PPP1R15B: variants seen among roughly 807,000 people sequenced by gnomAD.
PPP1R15B encodes protein phosphatase 1 regulatory subunit 15B.
A neutral mutation model predicts 53.9 loss-of-function variants in PPP1R15B; 31 were observed. The ratio of observed to expected loss-of-function variants is 0.58; its 90% CI spans 0.43 to 0.78. PPP1R15B has a LOEUF of 0.78. Ranked by LOEUF, PPP1R15B falls within the 30% of genes least tolerant of loss-of-function variation. PPP1R15B has a pLI of 0.00. For synonymous variants in PPP1R15B, 345 were observed against 329.1 expected (o/e 1.05, Z -0.52); for missense variants, 928 against 849.6 (o/e 1.09, Z -1.15).
chr1:204,406,051 T>A lies in PPP1R15B; in HGVS notation c.*41A>T, dbSNP rs1260050277. 6.3e-6 allele frequency: 10 copies of A among 1,598,520 alleles called. No individual in the cohort carries two copies. In the African/African-American group the frequency reaches 1.3e-4, roughly 21 times the overall value. On this transcript the variant is annotated 3_prime_UTR_variant, in exon 2 of 2. Coordinates refer to ENST00000367188, the MANE Select transcript of PPP1R15B (RefSeq NM_032833.5). ...TTGTTTTTAAAAGACACCTCTCAGG[T>A]AAGAGGTAGTGTATGCTAGCTAGGA...
chr1:204,411,155 T>G lies in PPP1R15B; in HGVS notation c.257A>C (p.Gln86Pro). ...GLLQKVLIWS[Q>P]LFGGMFPTRW... ...GGTCGGAAACATTCCACCGAAAAGT[T>G]GGCTCCAAATTAGCACCTTCTGAAG... The change falls in exon 1 of 2, where the codon CAA (glutamine) becomes CCA (proline). Residue 86 changes from glutamine (Q) to proline (P), a missense_variant. Coordinates refer to ENST00000367188, the MANE Select transcript of PPP1R15B (RefSeq NM_032833.5). The G allele has an allele frequency of 6.2e-7, 1 of 1,614,206 alleles. No individual in the cohort carries two copies. Among genetic ancestry groups the G allele is most frequent in the Non-Finnish European group, 8.5e-7 (1 of 1,180,048 alleles).
At chr1:204,401,063 G>C (rs1180492151), downstream of PPP1R15B, among the ~76,000 whole-genome samples, 1 of 152,228 alleles carries the variant, frequency 6.6e-6, no homozygotes, top group Non-Finnish European at 1.5e-5. Flanking sequence ...GCGTCTGCCA[G>C]TGGTGAAACA....
At chr1:204,402,996 C>T (rs377505217), downstream of PPP1R15B, among the ~76,000 whole-genome samples, 33 of 152,144 alleles carry the variant, frequency 2.2e-4, no homozygotes, top group African/African-American at 6.7e-4. Flanking sequence ...CGCTTGAAAC[C>T]GGAAGGTGGA....
In PPP1R15B at chr1:204,411,357, G is replaced by T. The variant is rs761080801; in HGVS notation, c.55C>A (p.Arg19=). The change falls in exon 1 of 2, where the codon CGG becomes AGG. Residue 19 remains arginine (R), a synonymous_variant. Coordinates refer to ENST00000367188, the MANE Select transcript of PPP1R15B (RefSeq NM_032833.5). ...CGAGGGAAAAAGGGTGGCCAGAACC[G>T]GAAGCCCGCCCGAGGGCCAAGCCGT... ...RKRLGPRAGF[R]FWPPFFPRRS... The T allele has an allele frequency of 6.2e-7, 1 of 1,613,746 alleles. No homozygotes were observed. Among genetic ancestry groups the T allele is most frequent in the Non-Finnish European group, 8.5e-7 (1 of 1,180,038 alleles).
In PPP1R15B at chr1:204,409,757, C is replaced by T. The variant is rs1247367692; in HGVS notation, c.1655G>A (p.Ser552Asn). Residue 552 changes from serine to asparagine, a missense_variant, in exon 1 of 2, where the codon AGT becomes AAT. Transcript: ENST00000367188. Reference protein sequence around the residue: ...DWESSADEAESLKLWNSFCNS... With the variant: ...DWESSADEAENLKLWNSFCNS... ...ACAGAATGAGTTCCACAGTTTGAGACTCTCTGCTTCATCTGCACTAGATTC... is the reference window on the plus strand; with the variant it reads ...ACAGAATGAGTTCCACAGTTTGAGATTCTCTGCTTCATCTGCACTAGATTC... 34 of 1,614,050 alleles carry T rather than the reference C, an allele frequency of 2.1e-5. No homozygotes were observed. Among genetic ancestry groups the T allele is most frequent in the Non-Finnish European group, 2.4e-5 (28 of 1,180,030 alleles).
Position 204,405,158 on chromosome 1 carries a change from A to C in PPP1R15B, c.*934T>G. On this transcript the variant is annotated 3_prime_UTR_variant, in exon 2 of 2. Coordinates refer to ENST00000367188, the MANE Select transcript of PPP1R15B (RefSeq NM_032833.5). The stretch of plus-strand genomic sequence containing the variant: ...AACACTGGTTTTCTGTTGAGAACAT[A>C]TACACCAAAACCAAATTGCTCTGAG... The C allele has an allele frequency of 1.0e-6, 1 of 985,830 alleles. No individual in the cohort carries two copies. The highest frequency in any genetic ancestry group is 1.2e-6 in the Non-Finnish European group (1 of 829,866). The allele number at this position is 985,830 out of a possible 1,614,324, so 61.1% of individuals were successfully genotyped here. A position where few individuals can be genotyped will look rare whatever the true frequency, so the allele number is the denominator to read the frequency against.
downstream of PPP1R15B, among the ~76,000 whole-genome samples, chr1:204,402,088 G>T (rs77330949): frequency 4.4e-3 from 669 of 152,286 alleles, 5 homozygotes; most frequent in African/African-American, 0.015. Context: ...TATTACTGGG[G>T]AATGGCAGAC....
chr1:204,402,717 TG>T (rs1341433151), downstream of PPP1R15B, among the ~76,000 whole-genome samples: 2 of 147,912 alleles, frequency 1.4e-5, no homozygotes, highest in African/African-American at 4.9e-5. Context: ...CCACCATACC[TG>T]GCCCACTTTT....
Position 204,410,271 on chromosome 1 carries a change from G to A in PPP1R15B, c.1141C>T (p.Pro381Ser), listed in dbSNP as rs1260475845. Residue 381 changes from proline (P) to serine (S), a missense_variant, in exon 1 of 2, where the codon CCT becomes TCT. Transcript: ENST00000367188. ...TCACTAGATGGACAGCCCTCAGAAG[G>A]GCTCTCTTCTTCCAAAGCAAGTGGA... ...EVPLALEEESPSEGCPSSEIP... is the reference protein window; with the variant it reads ...EVPLALEEESSSEGCPSSEIP... 1.2e-6 allele frequency: 2 copies of A among 1,613,974 alleles called. No individual in the cohort carries two copies. The highest frequency in any genetic ancestry group is 1.7e-6 in the Non-Finnish European group (2 of 1,180,008).
At chr1:204,398,745 A>G (rs1054069871), downstream of PPP1R15B, among the ~76,000 whole-genome samples, 6 of 152,296 alleles carry the variant, frequency 3.9e-5, no homozygotes, top group East Asian at 1.9e-4. Context: ...TGGAGACAAC[A>G]GAGCATCACT....
rs1379652303 is a variant in PPP1R15B, at chr1:204,410,307, T to C, written c.1105A>G (p.Thr369Ala). The change falls in exon 1 of 2, where the codon ACT (threonine) becomes GCT (alanine). Residue 369 changes from threonine to alanine, a missense_variant. Physicochemically the swap from Thr to Ala is moderately conservative, Grantham distance 58. Transcript: ENST00000367188. The part of the protein sequence containing the change: ...ESTEEKIELL[T>A]TEVPLALEEE... ...TCCAAAGCAAGTGGAACCTCTGTAG[T>C]TAATAATTCTATTTTTTCTTCAGTG... is the stretch of plus-strand genomic sequence containing the variant. 1 of 1,614,012 alleles carries C rather than the reference T, an allele frequency of 6.2e-7. No homozygotes were observed. The highest frequency in any genetic ancestry group is 1.3e-5 in the African/African-American group (1 of 74,918).
Position 204,406,043 on chromosome 1 carries a change from CT to C in PPP1R15B, c.*48del. ...GCCAAGATTTGTTTTTAAAAGACAC[CT>C]CTCAGGTAAGAGGTAGTGTATGCTA... On this transcript the variant is annotated 3_prime_UTR_variant, in exon 2 of 2. Coordinates refer to ENST00000367188, the MANE Select transcript of PPP1R15B (RefSeq NM_032833.5). 1 of 1,577,952 alleles carries C rather than the reference CT, an allele frequency of 6.3e-7. No homozygotes were observed. The highest frequency in any genetic ancestry group is 8.6e-7 in the Non-Finnish European group (1 of 1,158,726).
chr1:204,411,364 CGCCCGAGG>C lies in PPP1R15B; in HGVS notation c.40_47del (p.Pro14GlyfsTer19), dbSNP rs1356364248. On this transcript the variant is annotated frameshift_variant, in exon 1 of 2. Coordinates refer to ENST00000367188, the MANE Select transcript of PPP1R15B (RefSeq NM_032833.5). LOFTEE classifies it high-confidence loss of function. ...AAAAGGGTGGCCAGAACCGGAAGCC[CGCCCGAGG>C]GCCAAGCCGTTTCCGCGATCCGCCT... The C allele has an allele frequency of 1.2e-6, 2 of 1,613,470 alleles. No homozygotes were observed. The highest frequency in any genetic ancestry group is 1.7e-6 in the Non-Finnish European group (2 of 1,180,036).
Position 204,403,413 on chromosome 1 carries a change from C to T in PPP1R15B, c.*2679G>A, listed in dbSNP as rs994544224. ...TTAATAATTGCAAATATATTTATTACAATTTACAGATTAGTTATGTTATAT... is the reference window on the plus strand; with the variant it reads ...TTAATAATTGCAAATATATTTATTATAATTTACAGATTAGTTATGTTATAT... On this transcript the variant is annotated 3_prime_UTR_variant, in exon 2 of 2. Transcript: ENST00000367188. 25 of 727,906 alleles carry T rather than the reference C, an allele frequency of 3.4e-5. No homozygotes were observed. The highest frequency in any genetic ancestry group is 3.1e-4 in the Admixed American group (5 of 15,938). The allele number at this position is 727,906 out of a possible 1,614,324, so 45.1% of individuals were successfully genotyped here. A position where few individuals can be genotyped will look rare whatever the true frequency, so the allele number is the denominator to read the frequency against.
chr1:204,410,175 G>A lies in PPP1R15B; in HGVS notation c.1237C>T (p.Leu413Phe). ...VVDYSYLEGD[L>F]PISARPACSN... ...CAAGCTGGTCTGGCAGAAATGGGAA[G>A]GTCACCTTCTAGGTATGAGTAATCA... is the stretch of plus-strand genomic sequence containing the variant. The change falls in exon 1 of 2, where the codon CTT becomes TTT. Residue 413 changes from leucine (L) to phenylalanine (F), a missense_variant. Leu to Phe is a conservative substitution (Grantham distance 22). Coordinates refer to ENST00000367188, the MANE Select transcript of PPP1R15B (RefSeq NM_032833.5). 6.2e-7 allele frequency: 1 copy of A among 1,613,964 alleles called. No individual in the cohort carries two copies. Among genetic ancestry groups the A allele is most frequent in the Non-Finnish European group, 8.5e-7 (1 of 1,180,038 alleles).
Position 204,409,828 on chromosome 1 carries a change from G to T in PPP1R15B, c.1584C>A (p.Ser528Arg). The T allele has an allele frequency of 6.2e-7, 1 of 1,614,180 alleles. No individual in the cohort carries two copies. Among genetic ancestry groups the T allele is most frequent in the Non-Finnish European group, 8.5e-7 (1 of 1,180,032 alleles). The change falls in exon 1 of 2, where the codon AGC (serine) becomes AGA (arginine). Residue 528 changes from serine (S) to arginine (R), a missense_variant. Coordinates refer to ENST00000367188, the MANE Select transcript of PPP1R15B (RefSeq NM_032833.5). ...SDLENSSQSGSLPETPEHSSG... is the reference protein window; with the variant it reads ...SDLENSSQSGRLPETPEHSSG... ...AACTATGCTCAGGGGTCTCAGGAAGGCTTCCAGACTGGGAGGAATTCTCTA... is the reference window on the plus strand; with the variant it reads ...AACTATGCTCAGGGGTCTCAGGAAGTCTTCCAGACTGGGAGGAATTCTCTA...
rs376050859 is a variant in PPP1R15B, at chr1:204,406,281, A to G, written c.1953T>C (p.Tyr651=). Residue 651 remains tyrosine, a synonymous_variant, in exon 2 of 2, where the codon TAT becomes TAC. Transcript: ENST00000367188. ...CTTTGCGATCCTCATCACCACTTAT[A>G]TAATACTCAGTAACTTCTTCAAGGA... is the stretch of plus-strand genomic sequence containing the variant. ...VTFLEEVTEY[Y]ISGDEDRKGP... 1.5e-5 allele frequency: 25 copies of G among 1,613,914 alleles called. No individual in the cohort carries two copies. In the African/African-American group the frequency reaches 3.1e-4, roughly 20 times the overall value.
At position 204,404,690 on chromosome 1, in the gene PPP1R15B, C is replaced by G. The variant is rs974253388; in HGVS notation, c.*1402G>C. 7 of 985,622 alleles carry G rather than the reference C, an allele frequency of 7.1e-6. No individual in the cohort carries two copies. The African/African-American group carries it at 1.0e-4, about 15-fold the overall frequency. The allele number at this position is 985,622 out of a possible 1,614,324, so 61.1% of individuals were successfully genotyped here. ...CTGTAAGCACTTCTGATGAAAAATT[C>G]ATCCCCACACTTAAATAAGTTCAAA... is the stretch of plus-strand genomic sequence containing the variant. On this transcript the variant is annotated 3_prime_UTR_variant, in exon 2 of 2. Coordinates refer to ENST00000367188, the MANE Select transcript of PPP1R15B (RefSeq NM_032833.5).
In PPP1R15B at chr1:204,403,468, C is replaced by T; in HGVS notation, c.*2624G>A. The T allele has an allele frequency of 4.7e-6, 4 of 859,566 alleles. No homozygotes were observed. The highest frequency in any genetic ancestry group is 5.6e-6 in the Non-Finnish European group (4 of 715,260). 53.2% of individuals were successfully genotyped at this position (859,566 alleles called of 1,614,324 possible). A position where few individuals can be genotyped will look rare whatever the true frequency, so the allele number is the denominator to read the frequency against. ...AAATATAATTTTAACTATAAAATCCCAACTAGTTACATTTAAATTATTGAT... is the reference window on the plus strand; with the variant it reads ...AAATATAATTTTAACTATAAAATCCTAACTAGTTACATTTAAATTATTGAT... On this transcript the variant is annotated 3_prime_UTR_variant, in exon 2 of 2. Coordinates refer to ENST00000367188, the MANE Select transcript of PPP1R15B (RefSeq NM_032833.5).
Sources: gnomAD v4.1 joint callset for allele counts (sites outside exome capture counted in the v4.1 genomes callset) on GRCh38, gnomAD v4.1.1 for gene constraint, MANE v1.5 for transcripts, NCBI Gene and HGNC (gene_info 2026-07-23, HGNC 2026-07-21) for gene names.